CLOCK: variants seen among roughly 807,000 people sequenced by gnomAD.
CLOCK encodes circadian locomoter output cycles protein kaput.
A neutral mutation model predicts 118.4 loss-of-function variants in CLOCK; 43 were observed. The ratio of observed to expected loss-of-function variants is 0.36; its 90% CI spans 0.28 to 0.47. The LOEUF is 0.47. CLOCK is among the 20% of genes least tolerant of loss of function. The probability of loss-of-function intolerance (pLI) is 1.00; values close to 1 mark genes in which losing one functional copy is unlikely to be tolerated. For missense variants in CLOCK, 846 were observed against 999.9 expected, an observed-to-expected ratio of 0.85 and a Z score of 2.08; for synonymous variants, 326 against 339.2, an observed-to-expected ratio of 0.96 and a Z score of 0.43.
At chr4:55,476,097 G>T in intron 6 of CLOCK, 43 bp from the exon 7 acceptor site, 1 of 1,278,672 alleles carries the variant, frequency 7.8e-7, no homozygotes, top group Non-Finnish European at 1.1e-6. Context: ...CCAACCACCG[G>T]AGGAGTACAA....
intron 1 of CLOCK, among the ~76,000 whole-genome samples, chr4:55,531,139 G>A (rs928062284): frequency 6.6e-6 from 1 of 151,898 alleles, no homozygotes; most frequent in Non-Finnish European, 1.5e-5. Context: ...GCAATCTAGC[G>A]GCATGATTTC....
chr4:55,478,800 G>A lies in CLOCK; in HGVS notation c.256+15C>T. On this transcript the variant is annotated intron_variant, in intron 6 of 22. Transcript: ENST00000513440. ...CTTTGAGAGTCTGTTCCATTTTACA[G>A]AGTTAAAAATTTACCTTTATGTTTT... The A allele has an allele frequency of 6.2e-7, 1 of 1,609,866 alleles. No individual in the cohort carries two copies. The highest frequency in any genetic ancestry group is 8.5e-7 in the Non-Finnish European group (1 of 1,177,388).
At chr4:55,492,163 G>A (rs557917133) in intron 2 of CLOCK, among the ~76,000 whole-genome samples, 3 of 152,022 alleles carry the variant, frequency 2.0e-5, no homozygotes, top group South Asian at 4.1e-4. Flanking sequence ...CAATCCAAAC[G>A]CAACAGTAAA....
chr4:55,464,775 G>C (rs1361314698), intron 8 of CLOCK, among the ~76,000 whole-genome samples: 3 of 152,230 alleles, frequency 2.0e-5, no homozygotes, highest in Non-Finnish European at 4.4e-5. Context: ...TAAGAATGGT[G>C]AGAGGGGAGA....
At chr4:55,453,184 T>C (rs544412151) in intron 14 of CLOCK, 55 bp from the exon 15 acceptor site, 2 of 1,325,882 alleles carry the variant, frequency 1.5e-6, no homozygotes, top group South Asian at 2.4e-5. Context: ...TTTAAAATAC[T>C]GCACAGCTGT....
Position 55,443,695 on chromosome 4 carries a change from A to T in CLOCK, c.1894T>A (p.Ser632Thr), listed in dbSNP as rs539427253. The change falls in exon 20 of 23, where the codon TCA becomes ACA. Residue 632 changes from serine to threonine, a missense_variant. By Grantham distance (58) the Ser-to-Thr change is moderately conservative. Coordinates refer to ENST00000513440, the MANE Select transcript of CLOCK (RefSeq NM_004898.4). ...MIQQQTLQST[S>T]TQSQQNVLSG... ...GTGCTCAGTAACATTACCTGAGTTG[A>T]TGTACTCTGTAAAGTCTGTTGTTGT... 1.1e-5 allele frequency: 17 copies of T among 1,613,562 alleles called. No individual in the cohort carries two copies. In the African/African-American group the frequency reaches 1.6e-4, roughly 15 times the overall value.
intron 8 of CLOCK, among the ~76,000 whole-genome samples, chr4:55,464,098 A>G (rs1459189821): frequency 1.3e-5 from 2 of 152,208 alleles, no homozygotes; most frequent in East Asian, 3.8e-4. Context: ...AATAAGAAAA[A>G]TCTCTGGCGA....
intron 1 of CLOCK, among the ~76,000 whole-genome samples, chr4:55,519,695 T>C (rs893430896): frequency 3.9e-5 from 6 of 152,042 alleles, no homozygotes; most frequent in East Asian, 1.9e-4. Context: ...GGAGAACCAA[T>C]TGAACCCGGA....
intron 1 of CLOCK, among the ~76,000 whole-genome samples, chr4:55,542,316 C>G (rs1577885932): frequency 6.7e-6 from 1 of 148,688 alleles, no homozygotes; most frequent in Admixed American, 6.7e-5. Context: ...TGCACTCCAG[C>G]CCGGGTGACA....
At chr4:55,489,858 T>G (rs907553428) in intron 2 of CLOCK, among the ~76,000 whole-genome samples, 12 of 152,058 alleles carry the variant, frequency 7.9e-5, no homozygotes, top group Admixed American at 7.9e-4. Flanking sequence ...TGTTTTTATA[T>G]ATAAGCCCCA....
intron 9 of CLOCK, among the ~76,000 whole-genome samples, chr4:55,462,244 G>A (rs1239751922): frequency 3.3e-5 from 5 of 152,006 alleles, no homozygotes; most frequent in South Asian, 2.1e-4. Flanking sequence ...CAAAGCAAAC[G>A]CCTTCTCCTT....
intron 2 of CLOCK, among the ~76,000 whole-genome samples, chr4:55,501,002 C>T (rs561336264): frequency 2.2e-4 from 33 of 152,176 alleles, no homozygotes; most frequent in African/African-American, 6.3e-4. Flanking sequence ...CAGGCATGCA[C>T]CACCATGCCT....
At chr4:55,474,925 G>A (rs1444331593) in intron 7 of CLOCK, among the ~76,000 whole-genome samples, 3 of 152,320 alleles carry the variant, frequency 2.0e-5, no homozygotes, top group East Asian at 1.9e-4. Flanking sequence ...TTTCATGCCT[G>A]CTAACACAAT....
chr4:55,452,943 T>C (rs1428099079), intron 15 of CLOCK, 111 bp downstream of exon 15: 12 of 774,812 alleles, frequency 1.5e-5, no homozygotes, highest in Middle Eastern at 7.3e-4. Flanking sequence ...ATCCCCGTTA[T>C]AAGTGAGGAA....
At chr4:55,486,904 T>G (rs1727333792) in intron 3 of CLOCK, among the ~76,000 whole-genome samples, 1 of 152,144 alleles carries the variant, frequency 6.6e-6, no homozygotes, top group South Asian at 2.1e-4. Flanking sequence ...TCTGGAGAGT[T>G]TTCTCGAGTT....
At chr4:55,486,251 CAACTT>C (rs1727289332) in intron 3 of CLOCK, 1 of 152,122 alleles carries the variant, frequency 6.6e-6, no homozygotes, top group Non-Finnish European at 1.5e-5. Flanking sequence ...TACTTACTAC[CAACTT>C]AACTACAAAT....
chr4:55,457,076 T>C (rs1339140788), intron 11 of CLOCK, among the ~76,000 whole-genome samples: 2 of 152,248 alleles, frequency 1.3e-5, no homozygotes, highest in East Asian at 3.8e-4. Context: ...CTTCTCACTC[T>C]ACACATTTTC....
At chr4:55,458,288 C>G (rs538677934) in intron 11 of CLOCK, among the ~76,000 whole-genome samples, 124 of 152,244 alleles carry the variant, frequency 8.1e-4, no homozygotes, top group African/African-American at 2.8e-3. Flanking sequence ...TCTCAAACTA[C>G]TGGGCTCAGG....
At chr4:55,436,877 A>G (rs1338875215) in intron 22 of CLOCK, among the ~76,000 whole-genome samples, 1 of 129,150 alleles carries the variant, frequency 7.7e-6, no homozygotes, top group Non-Finnish European at 1.7e-5. Context: ...TGTGGGTCCT[A>G]TGTCTTTGGG....
Sources: gnomAD v4.1 joint callset for allele counts (sites outside exome capture counted in the v4.1 genomes callset) on GRCh38, gnomAD v4.1.1 for gene constraint, MANE v1.5 for transcripts, NCBI Gene and HGNC (gene_info 2026-07-23, HGNC 2026-07-21) for gene names.